LRMDA: variants seen among roughly 807,000 people sequenced by gnomAD.
LRMDA encodes the protein leucine rich melanocyte differentiation associated, also known as leucine-rich melanocyte differentiation-associated protein.
A neutral mutation model predicts 29.8 loss-of-function variants in LRMDA; 18 were observed. The observed-to-expected ratio is 0.60, with a 90% CI of 0.42 to 0.90. The LOEUF (loss-of-function observed/expected upper bound fraction) is 0.90. Ranked by LOEUF, LRMDA falls within the 40% of genes least tolerant of loss-of-function variation. The probability of loss-of-function intolerance (pLI) is 0.00; values close to 1 mark genes in which losing one functional copy is unlikely to be tolerated. For missense variants in LRMDA, 273 were observed against 273.9 expected, an observed-to-expected ratio of 1.00 and a Z score of 0.02; for synonymous variants, 125 against 109.4, an observed-to-expected ratio of 1.14 and a Z score of -0.89.
chr10:75,653,747 C>T (rs12098839), intron 2 of LRMDA, among the ~76,000 whole-genome samples: 4,678 of 152,222 alleles, frequency 0.031, 251 homozygotes, highest in African/African-American at 0.11. Flanking sequence ...TAGTTTATAA[C>T]TCTAAGTATG....
At chr10:76,313,292 C>T (rs755214368) in intron 5 of LRMDA, among the ~76,000 whole-genome samples, 12 of 152,186 alleles carry the variant, frequency 7.9e-5, no homozygotes, top group Non-Finnish European at 1.0e-4. Context: ...CAGTTCTCGA[C>T]ACAAAGTAAG....
chr10:76,327,092 C>CTT (rs35683783), intron 6 of LRMDA, among the ~76,000 whole-genome samples: 22,005 of 134,868 alleles, frequency 0.16, 3,716 homozygotes, highest in African/African-American at 0.42. Context: ...TCCAAATCAT[C>CTT]TTTTTTTTTT....
chr10:75,754,679 T>C (rs1366945412), intron 2 of LRMDA, among the ~76,000 whole-genome samples: 1 of 152,198 alleles, frequency 6.6e-6, no homozygotes, highest in East Asian at 1.9e-4. Context: ...CTGAAACATT[T>C]TCAACTCAGC....
At chr10:75,855,129 T>C (rs1197891269) in intron 2 of LRMDA, among the ~76,000 whole-genome samples, 1 of 152,246 alleles carries the variant, frequency 6.6e-6, no homozygotes, top group African/African-American at 2.4e-5. Flanking sequence ...TCTAGATCCC[T>C]GAGGAATCGC....
chr10:76,134,611 T>A (rs902727871), intron 5 of LRMDA, among the ~76,000 whole-genome samples: 1 of 152,194 alleles, frequency 6.6e-6, no homozygotes, highest in Non-Finnish European at 1.5e-5. Context: ...ATTAAAGGCA[T>A]CCCATTTATT....
At chr10:75,501,586 T>G (rs1212354826) in intron 2 of LRMDA, among the ~76,000 whole-genome samples, 3 of 152,166 alleles carry the variant, frequency 2.0e-5, no homozygotes, top group Admixed American at 1.3e-4. Context: ...ATGGTGAAAT[T>G]TTTATCCTAA....
intron 2 of LRMDA, among the ~76,000 whole-genome samples, chr10:76,033,659 A>G (rs80068822): frequency 3.4e-4 from 52 of 152,280 alleles, no homozygotes; most frequent in African/African-American, 1.2e-3. Context: ...AACAATGTGT[A>G]TTTGGATGCT....
chr10:75,433,995 C>T (rs1443316965), intron 1 of LRMDA, among the ~76,000 whole-genome samples: 5 of 152,082 alleles, frequency 3.3e-5, no homozygotes. Context: ...GGGGATGTTG[C>T]AGTCTTCCTA....
intron 6 of LRMDA, among the ~76,000 whole-genome samples, chr10:76,519,980 A>G (rs1403972868): frequency 2.6e-5 from 4 of 152,150 alleles, no homozygotes; most frequent in African/African-American, 7.2e-5. Flanking sequence ...AACTTTTTAC[A>G]TGGTTAGACC....
chr10:76,018,593 G>T lies in LRMDA; in HGVS notation c.132-17415G>T, dbSNP rs572819306. The stretch of plus-strand genomic sequence containing the variant: ...TTTTTTTTTTTTTTTTTTTGAGATG[G>T]AGTCTCACTCTGTCACCAGGCTGGA... On this transcript the variant is annotated intron_variant, in intron 2 of 6. Transcript: ENST00000611255. Among the ~76,000 whole-genome samples, 37 of 142,856 alleles carry T rather than the reference G, an allele frequency of 2.6e-4. No homozygotes were observed. The East Asian group carries it at 8.2e-3, about 32-fold the overall frequency. The allele number at this position is 142,856 out of a possible 152,430, so 93.7% of individuals were successfully genotyped here.
chr10:75,483,241 C>A (rs1430113847), intron 2 of LRMDA, among the ~76,000 whole-genome samples: 1 of 152,168 alleles, frequency 6.6e-6, no homozygotes, highest in Non-Finnish European at 1.5e-5. Context: ...GCCACCACAC[C>A]CCACCCATCA....
intron 2 of LRMDA, among the ~76,000 whole-genome samples, chr10:75,455,659 G>A (rs1844506997): frequency 2.0e-5 from 3 of 152,186 alleles, no homozygotes; most frequent in Admixed American, 2.0e-4. Context: ...ACCCAGGTGA[G>A]ACCTGGGTTG....
intron 2 of LRMDA, among the ~76,000 whole-genome samples, chr10:75,903,565 A>G (rs1490640398): frequency 6.6e-6 from 1 of 152,236 alleles, no homozygotes. Context: ...TTATTTCATT[A>G]TCATTATTAA....
intron 5 of LRMDA, among the ~76,000 whole-genome samples, chr10:76,265,114 CA>C (rs1190240702): frequency 2.0e-5 from 3 of 152,170 alleles, no homozygotes; most frequent in African/African-American, 7.2e-5. Context: ...GGGGCCTGCA[CA>C]GGGGCACTCT....
chr10:75,536,198 C>T (rs916846809), intron 2 of LRMDA, among the ~76,000 whole-genome samples: 9 of 152,106 alleles, frequency 5.9e-5, no homozygotes, highest in Admixed American at 5.9e-4. Flanking sequence ...CCTTGCAGGG[C>T]GGGTTCACAT....
At chr10:76,228,171 G>A (rs562030163) in intron 5 of LRMDA, among the ~76,000 whole-genome samples, 7 of 152,010 alleles carry the variant, frequency 4.6e-5, no homozygotes, top group Admixed American at 2.0e-4. Flanking sequence ...ATAGGCACAC[G>A]CCACCACGCC....
In LRMDA at chr10:76,165,172, T is replaced by C. The variant is rs577666087; in HGVS notation, c.516+106389T>C. ...ATTTTAAGTAGAGATGGGGTTTCACTATGTTGGCCAGGCTGGTCTCGAACT... is the reference window on the plus strand; with the variant it reads ...ATTTTAAGTAGAGATGGGGTTTCACCATGTTGGCCAGGCTGGTCTCGAACT... On this transcript the variant is annotated intron_variant, in intron 5 of 6. Coordinates refer to ENST00000611255, the MANE Select transcript of LRMDA (RefSeq NM_001305581.2). Among the ~76,000 whole-genome samples the C allele has an allele frequency of 3.3e-5, 5 of 152,158 alleles. No homozygotes were observed. In the South Asian group the frequency reaches 1.0e-3, roughly 32 times the overall value.
At chr10:76,528,600 T>C (rs545583154) in intron 6 of LRMDA, among the ~76,000 whole-genome samples, 2 of 152,274 alleles carry the variant, frequency 1.3e-5, no homozygotes, top group East Asian at 1.9e-4. Flanking sequence ...AATATAGTCT[T>C]TATGAAAATA....
chr10:75,710,924 T>C (rs1842428094), intron 2 of LRMDA, among the ~76,000 whole-genome samples: 1 of 152,276 alleles, frequency 6.6e-6, no homozygotes, highest in South Asian at 2.1e-4. Context: ...TCTGAGTGAA[T>C]GCTTAGTCCT....
Sources: gnomAD v4.1 joint callset for allele counts (sites outside exome capture counted in the v4.1 genomes callset) on GRCh38, gnomAD v4.1.1 for gene constraint, MANE v1.5 for transcripts, NCBI Gene and HGNC (gene_info 2026-07-23, HGNC 2026-07-21) for gene names.